The following SDCBP variants were observed in gnomAD, a reference collection of about 807,000 sequenced individuals.
SDCBP encodes the protein syntenin-1.
Under a neutral mutation model 30.5 loss-of-function variants are expected in SDCBP, and 22 were observed. That is an observed-to-expected ratio of 0.72 (90% CI 0.52 to 1.03). The LOEUF is 1.03. Among genes scored for constraint, SDCBP ranks in the 50% least tolerant of loss-of-function variants. The pLI is 0.00. For synonymous variants in SDCBP, 103 were observed against 118.7 expected (o/e 0.87, Z 0.86); for missense variants, 304 against 369.9 (o/e 0.82, Z 1.46).
intron 1 of SDCBP, among the ~76,000 whole-genome samples, chr8:58,555,788 C>G (rs1441357914): frequency 6.6e-6 from 1 of 150,686 alleles, no homozygotes; most frequent in African/African-American, 2.4e-5. Flanking sequence ...CTTGCTCAGG[C>G]TGGTCTTGAA....
chr8:58,576,416 CTTTT>C (rs113665258), intron 5 of SDCBP: 61 of 141,262 alleles, frequency 4.3e-4, no homozygotes, highest in South Asian at 9.6e-4. Flanking sequence ...GTCAGTGTGC[CTTTT>C]TTTTTTTTTT....
At chr8:58,579,951 G>C (rs1366640182) in intron 7 of SDCBP, 157 bp downstream of exon 7, 2 of 581,256 alleles carry the variant, frequency 3.4e-6, no homozygotes, top group Non-Finnish European at 2.9e-6. Context: ...AATTATTTGG[G>C]CTGTCATCTA....
rs1805453145 is a variant in SDCBP, at chr8:58,578,137, G to C, written c.507G>C (p.Trp169Cys). 6.2e-7 allele frequency: 1 copy of C among 1,611,832 alleles called. No homozygotes were observed. Among genetic ancestry groups the C allele is most frequent in the African/African-American group, 1.3e-5 (1 of 74,746 alleles). The change falls in exon 6 of 9, where the codon TGG (tryptophan) becomes TGC (cysteine). Residue 169 changes from tryptophan (W) to cysteine (C), a missense_variant. Transcript: ENST00000260130. ...TCAATGGTGAAAACTGTGCAGGATG[G>C]AGCTCTGATAAAGCGCACAAGGTGC... is the stretch of plus-strand genomic sequence containing the variant. ...LQINGENCAG[W>C]SSDKAHKVLK...
At position 58,575,875 on chromosome 8, in the gene SDCBP, G is replaced by A. The variant is rs375202982; in HGVS notation, c.241-25G>A. 5.1e-6 allele frequency: 8 copies of A among 1,572,904 alleles called. No homozygotes were observed. The African/African-American group carries it at 9.5e-5, about 19-fold the overall frequency. ...TTCAAGGAGAGTGTTTCTAGATATT[G>A]ACACATTGTATATGGTTTTGTCAGC... On this transcript the variant is annotated intron_variant, in intron 4 of 8. Coordinates refer to ENST00000260130, the MANE Select transcript of SDCBP (RefSeq NM_005625.4).
chr8:58,577,581 G>A (rs1805414365), intron 5 of SDCBP, among the ~76,000 whole-genome samples: 1 of 152,146 alleles, frequency 6.6e-6, no homozygotes, highest in Non-Finnish European at 1.5e-5. Flanking sequence ...ACCTTAAACT[G>A]TCATTTATTA....
At chr8:58,561,944 T>G (rs905304876) in intron 1 of SDCBP, 1 of 485,478 alleles carries the variant, frequency 2.1e-6, no homozygotes, top group Non-Finnish European at 3.6e-6. Context: ...GAAGCAGTAT[T>G]GTATGCAGTT....
At chr8:58,578,333 T>C (rs896466369) in intron 6 of SDCBP, 125 bp downstream of exon 6, 7 of 655,612 alleles carry the variant, frequency 1.1e-5, no homozygotes, top group South Asian at 8.4e-5. Context: ...ATGAGCCTTA[T>C]AGTCTTGCAG....
rs1245109637 is a variant in SDCBP at position 58,582,788 on chromosome 8, T to G, written c.*1048T>G. The G allele has an allele frequency of 6.6e-6, 1 of 152,268 alleles. No individual in the cohort carries two copies. Among genetic ancestry groups the G allele is most frequent in the Non-Finnish European group, 1.5e-5 (1 of 68,046 alleles). The allele number at this position is 152,268 out of a possible 1,614,324, so 9.4% of individuals were successfully genotyped here. ...AATGATAGTTGACACTTTATCCTGA[T>G]TTTTTTCTTCTTTTTGGTTTATGTC... On this transcript the variant is annotated 3_prime_UTR_variant, in exon 9 of 9. Transcript: ENST00000260130.
intron 1 of SDCBP, among the ~76,000 whole-genome samples, chr8:58,557,585 C>T (rs1348661667): frequency 1.3e-5 from 2 of 150,940 alleles, no homozygotes; most frequent in African/African-American, 4.9e-5. Context: ...TTAATAGAAA[C>T]TATTTGTGAG....
At chr8:58,566,930 C>G (rs1000044173) in intron 2 of SDCBP, among the ~76,000 whole-genome samples, 15 of 152,278 alleles carry the variant, frequency 9.9e-5, no homozygotes, top group Non-Finnish European at 1.9e-4. Flanking sequence ...ATTCCAAATC[C>G]TGACAAGAGC....
chr8:58,563,607 G>C (rs559865312), intron 1 of SDCBP, among the ~76,000 whole-genome samples: 9 of 152,230 alleles, frequency 5.9e-5, no homozygotes, highest in African/African-American at 2.2e-4. Context: ...CCAACTAGGA[G>C]ACAGAGACCA....
intron 1 of SDCBP, chr8:58,560,511 C>T (rs1259390570): frequency 1.3e-5 from 2 of 151,530 alleles, no homozygotes; most frequent in Admixed American, 1.3e-4. Context: ...AGTGGACATA[C>T]TCTAAAAGCC....
Position 58,580,627 on chromosome 8 carries a change from A to G in SDCBP, c.842+19A>G, listed in dbSNP as rs1334287008. 4 of 1,188,334 alleles carry G rather than the reference A, an allele frequency of 3.4e-6. No homozygotes were observed. The highest frequency in any genetic ancestry group is 1.3e-6 in the Non-Finnish European group (1 of 792,804). The allele number at this position is 1,188,334 out of a possible 1,614,324, so 73.6% of individuals were successfully genotyped here. On this transcript the variant is annotated intron_variant, in intron 8 of 8. Coordinates refer to ENST00000260130, the MANE Select transcript of SDCBP (RefSeq NM_005625.4). ...TTAAGCGGTAAGTAAACAATTCCTC[A>G]ACTTAATGCATATGGTCATGTGACT...
At chr8:58,560,399 T>G (rs906184477) in intron 1 of SDCBP, 4 of 152,296 alleles carry the variant, frequency 2.6e-5, no homozygotes, top group Non-Finnish European at 4.4e-5. Flanking sequence ...ATGAAAGGTG[T>G]TGGAGAGAGA....
chr8:58,566,271 T>C (rs995176783), intron 2 of SDCBP, among the ~76,000 whole-genome samples: 1 of 152,214 alleles, frequency 6.6e-6, no homozygotes, highest in African/African-American at 2.4e-5. Context: ...ATGACATCAA[T>C]ACATTAACTG....
chr8:58,567,173 G>A (rs1013496377), intron 2 of SDCBP, among the ~76,000 whole-genome samples: 35 of 152,120 alleles, frequency 2.3e-4, no homozygotes, highest in African/African-American at 8.2e-4. Flanking sequence ...TTTGAAATAA[G>A]TAGCTACATT....
chr8:58,580,416 C>A (rs1156948351), intron 7 of SDCBP, 101 bp from the exon 8 acceptor site: 2 of 641,614 alleles, frequency 3.1e-6, no homozygotes, highest in Non-Finnish European at 5.5e-6. Flanking sequence ...ATTAGAAATA[C>A]CAAGACATAT....
At chr8:58,566,662 T>TTTTTG (rs1012801566) in intron 2 of SDCBP, among the ~76,000 whole-genome samples, 76 of 152,250 alleles carry the variant, frequency 5.0e-4, no homozygotes, top group African/African-American at 1.5e-3. Flanking sequence ...TCTTTGGCTG[T>TTTTTG]TTTTGTTTTG....
At chr8:58,558,623 A>G (rs1804279511) in intron 1 of SDCBP, among the ~76,000 whole-genome samples, 3 of 152,202 alleles carry the variant, frequency 2.0e-5, no homozygotes, top group African/African-American at 7.2e-5. Flanking sequence ...TGCTGTGTAA[A>G]TAAACTAAAT....
Sources: allele counts gnomAD v4.1 joint callset (sites outside exome capture counted in the v4.1 genomes callset), GRCh38; gene constraint gnomAD v4.1.1; transcripts MANE v1.5; gene names NCBI Gene and HGNC (gene_info 2026-07-23, HGNC 2026-07-21).